TMEM132D: variants seen among roughly 807,000 people sequenced by gnomAD.
The protein encoded by TMEM132D is transmembrane protein 132D.
In TMEM132D, 21 loss-of-function variants were observed where a neutral mutation model predicts 62.3. That is an observed-to-expected ratio of 0.34 (90% confidence interval 0.24 to 0.49). TMEM132D has a LOEUF of 0.49. Ranked by LOEUF, TMEM132D falls within the 20% of genes least tolerant of loss-of-function variation. The pLI is 0.99. For missense variants in TMEM132D, 1,346 were observed against 1,402.8 expected, an observed-to-expected ratio of 0.96 and a Z score of 0.65; for synonymous variants, 621 against 575.6, an observed-to-expected ratio of 1.08 and a Z score of -1.13.
At chr12:129,481,663 T>C (rs2137053777) in intron 3 of TMEM132D, among the ~76,000 whole-genome samples, 1 of 152,304 alleles carries the variant, frequency 6.6e-6, no homozygotes, top group Non-Finnish European at 1.5e-5. Context: ...AAAAATAACA[T>C]TTGCTATGAG....
intron 5 of TMEM132D, among the ~76,000 whole-genome samples, chr12:129,112,488 C>T (rs1407568860): frequency 6.6e-6 from 1 of 152,104 alleles, no homozygotes; most frequent in Non-Finnish European, 1.5e-5. Context: ...ATGGAGAAAC[C>T]CCGTCTCTAC....
At chr12:129,112,901 T>G (rs193166137) in intron 5 of TMEM132D, among the ~76,000 whole-genome samples, 186 of 152,290 alleles carry the variant, frequency 1.2e-3, no homozygotes, top group Non-Finnish European at 2.2e-3. Flanking sequence ...GCTGTGAGTG[T>G]GAAGGGAGAA....
At chr12:129,498,825 C>T (rs1806285166) in intron 3 of TMEM132D, among the ~76,000 whole-genome samples, 1 of 152,130 alleles carries the variant, frequency 6.6e-6, no homozygotes, top group African/African-American at 2.4e-5. Flanking sequence ...AGGACTACTA[C>T]ATTATGGAAT....
chr12:129,551,034 A>G (rs1273086462), intron 2 of TMEM132D, among the ~76,000 whole-genome samples: 1 of 152,208 alleles, frequency 6.6e-6, no homozygotes, highest in Non-Finnish European at 1.5e-5. Flanking sequence ...ACCACAAAGT[A>G]GTGCCATGAA....
At chr12:129,165,253 A>C (rs902026890) in intron 5 of TMEM132D, among the ~76,000 whole-genome samples, 3 of 152,326 alleles carry the variant, frequency 2.0e-5, no homozygotes, top group Middle Eastern at 3.4e-3. Flanking sequence ...TTTCTGCAGC[A>C]GTGGTAGTGA....
At chr12:129,630,847 C>T (rs541173875) in intron 2 of TMEM132D, among the ~76,000 whole-genome samples, 6 of 152,122 alleles carry the variant, frequency 3.9e-5, no homozygotes, top group Admixed American at 1.3e-4. Flanking sequence ...CTGCTCCTCT[C>T]CCTCCACCCA....
chr12:129,470,338 G>T (rs1280459464), intron 3 of TMEM132D, among the ~76,000 whole-genome samples: 1 of 152,112 alleles, frequency 6.6e-6, no homozygotes, highest in Non-Finnish European at 1.5e-5. Context: ...TTAAATTTTT[G>T]GTGTGGTCAG....
chr12:129,187,528 A>G (rs1310614916), intron 5 of TMEM132D, among the ~76,000 whole-genome samples: 1 of 152,238 alleles, frequency 6.6e-6, no homozygotes, highest in Non-Finnish European at 1.5e-5. Context: ...CTTAAAAACT[A>G]CCACAGTTTA....
intron 2 of TMEM132D, among the ~76,000 whole-genome samples, chr12:129,610,327 T>C (rs1483696099): frequency 1.3e-5 from 2 of 151,740 alleles, no homozygotes; most frequent in African/African-American, 2.4e-5. Flanking sequence ...AGCAGTACAT[T>C]ATTGAATTGA....
At chr12:129,609,447 C>T (rs1297355131) in intron 2 of TMEM132D, among the ~76,000 whole-genome samples, 1 of 152,060 alleles carries the variant, frequency 6.6e-6, no homozygotes, top group Admixed American at 6.5e-5. Flanking sequence ...TGGTTGGCAT[C>T]CCAAAAGAGA....
intron 3 of TMEM132D, among the ~76,000 whole-genome samples, chr12:129,520,376 G>C (rs1269312456): frequency 2.0e-5 from 3 of 152,146 alleles, no homozygotes; most frequent in African/African-American, 4.8e-5. Flanking sequence ...AAAAGCCCCA[G>C]AACTGGCTGC....
chr12:129,321,840 T>C (rs1344711484), intron 4 of TMEM132D, among the ~76,000 whole-genome samples: 1 of 152,230 alleles, frequency 6.6e-6, no homozygotes, highest in Non-Finnish European at 1.5e-5. Context: ...ATTACAGGCG[T>C]GAGCCACTGC....
At chr12:129,707,065 G>A (rs922139273) in intron 1 of TMEM132D, among the ~76,000 whole-genome samples, 1 of 149,986 alleles carries the variant, frequency 6.7e-6, no homozygotes, top group African/African-American at 2.4e-5. Context: ...GAGCTCTAAA[G>A]AAGCATTAAT....
intron 3 of TMEM132D, among the ~76,000 whole-genome samples, chr12:129,493,363 T>C (rs1874857680): frequency 6.6e-6 from 1 of 152,206 alleles, no homozygotes; most frequent in South Asian, 2.1e-4. Flanking sequence ...CCAGGTATTA[T>C]TCTAAGTGAT....
intron 5 of TMEM132D, among the ~76,000 whole-genome samples, chr12:129,133,306 A>G (rs7972082): frequency 0.44 from 66,635 of 152,124 alleles, 15,059 homozygotes; most frequent in Non-Finnish European, 0.47. Flanking sequence ...CAAGAACTAT[A>G]CACCTGGTGA....
At chr12:129,589,908 C>T (rs1415783569) in intron 2 of TMEM132D, among the ~76,000 whole-genome samples, 2 of 152,132 alleles carry the variant, frequency 1.3e-5, no homozygotes, top group African/African-American at 4.8e-5. Flanking sequence ...GTACATTTCT[C>T]TTTTCTGAAT....
At chr12:129,442,243 A>G (rs776454112) in intron 3 of TMEM132D, among the ~76,000 whole-genome samples, 1 of 152,256 alleles carries the variant, frequency 6.6e-6, no homozygotes, top group Non-Finnish European at 1.5e-5. Context: ...TTGCATTGAC[A>G]CATTCTGTTA....
At chr12:129,825,324 A>C (rs1244111706) in intron 1 of TMEM132D, among the ~76,000 whole-genome samples, 1 of 151,594 alleles carries the variant, frequency 6.6e-6, no homozygotes, top group African/African-American at 2.4e-5. Flanking sequence ...CGGCCCAGTC[A>C]CTTTCTTCCG....
At chr12:129,286,384 G>A (rs1881297213) in intron 4 of TMEM132D, among the ~76,000 whole-genome samples, 1 of 152,164 alleles carries the variant, frequency 6.6e-6, no homozygotes, top group Non-Finnish European at 1.5e-5. Context: ...TAAGGACACT[G>A]GGCATGGGTA....
Sources: gnomAD v4.1 joint callset for allele counts (sites outside exome capture counted in the v4.1 genomes callset) on GRCh38, gnomAD v4.1.1 for gene constraint, MANE v1.5 for transcripts, NCBI Gene and HGNC (gene_info 2026-07-23, HGNC 2026-07-21) for gene names.